Variants in UTRN observed in about 807,000 individuals in gnomAD.
UTRN encodes utrophin, also known as dystrophin-related protein 1.
Under a neutral mutation model 463.9 loss-of-function variants are expected in UTRN, and 283 were observed. The ratio of observed to expected loss-of-function variants is 0.61; its 90% CI spans 0.55 to 0.67. UTRN has a LOEUF of 0.67. Ranked by LOEUF, UTRN falls within the 30% of genes least tolerant of loss-of-function variation. UTRN has a pLI of 0.00. For missense variants in UTRN, 3,922 were observed against 4,084.3 expected (o/e 0.96, Z 1.08); for synonymous variants, 1,442 against 1,431.5 (o/e 1.01, Z -0.17).
chr6:144,777,123 G>A (rs1775392913), intron 60 of UTRN, among the ~76,000 whole-genome samples: 1 of 152,098 alleles, frequency 6.6e-6, no homozygotes, highest in African/African-American at 2.4e-5. Flanking sequence ...ACAATTTCTG[G>A]CACAGAGCAG....
At chr6:144,457,973 G>A (rs1351016704) in intron 19 of UTRN, among the ~76,000 whole-genome samples, 1 of 152,026 alleles carries the variant, frequency 6.6e-6, no homozygotes, top group Non-Finnish European at 1.5e-5. Flanking sequence ...TCATTTTAGA[G>A]GATTTGAAGG....
chr6:144,748,810 T>TA (rs1421159798), intron 55 of UTRN, among the ~76,000 whole-genome samples: 1 of 152,214 alleles, frequency 6.6e-6, no homozygotes, highest in Non-Finnish European at 1.5e-5. Flanking sequence ...TACCTATTTT[T>TA]AAAAAATATT....
chr6:144,499,463 C>A, intron 34 of UTRN, 36 bp downstream of exon 34: 1 of 1,548,338 alleles, frequency 6.5e-7, no homozygotes, highest in Non-Finnish European at 8.8e-7. Context: ...CAGCATGATG[C>A]CAGCGTAACA....
chr6:144,410,917 T>TG (rs1423154517), intron 3 of UTRN, among the ~76,000 whole-genome samples: 2 of 152,190 alleles, frequency 1.3e-5, no homozygotes, highest in Non-Finnish European at 2.9e-5. Context: ...GCTATAAACA[T>TG]GCATGTGCAA....
intron 3 of UTRN, among the ~76,000 whole-genome samples, chr6:144,414,391 G>T (rs953819820): frequency 3.3e-5 from 5 of 152,232 alleles, no homozygotes; most frequent in Middle Eastern, 6.8e-3. Flanking sequence ...TTTAAAAATT[G>T]AAAAAGCCTT....
In UTRN at chr6:144,432,690, T is replaced by A. The variant is rs553538703; in HGVS notation, c.855+2949T>A. 8.6e-5 allele frequency among the ~76,000 whole-genome samples: 13 copies of A among 151,892 alleles called. No individual in the cohort carries two copies. The South Asian group carries it at 1.5e-3, about 17-fold the overall frequency. On this transcript the variant is annotated intron_variant, in intron 9 of 74. Coordinates refer to ENST00000367545, the MANE Select transcript of UTRN (RefSeq NM_007124.3). ...ATTTGAGATAAGTCTTTTTTTTTTTTAATATATATTTTTTATTGATCATTC... is the reference window on the plus strand; with the variant it reads ...ATTTGAGATAAGTCTTTTTTTTTTTAAATATATATTTTTTATTGATCATTC...
Position 144,852,451 on chromosome 6 carries a change from T to C in UTRN, c.*1454T>C, listed in dbSNP as rs749043588. ...CTTTGGGTTCTCTTTAGCTGGGATC[T>C]GGCCAGAAGGAGGCTTAAAGTTAGA... is the stretch of plus-strand genomic sequence containing the variant. On this transcript the variant is annotated 3_prime_UTR_variant, in exon 75 of 75. Coordinates refer to ENST00000367545, the MANE Select transcript of UTRN (RefSeq NM_007124.3). 1 of 152,528 alleles carries C rather than the reference T, an allele frequency of 6.6e-6. No homozygotes were observed. Among genetic ancestry groups the C allele is most frequent in the African/African-American group, 2.4e-5 (1 of 41,440 alleles). The allele number at this position is 152,528 out of a possible 1,614,324, so 9.4% of individuals were successfully genotyped here. A position where few individuals can be genotyped will look rare whatever the true frequency, so the allele number is the denominator to read the frequency against.
intron 42 of UTRN, among the ~76,000 whole-genome samples, chr6:144,532,134 CAATA>C (rs34622000): frequency 2.8e-4 from 43 of 151,084 alleles, no homozygotes; most frequent in African/African-American, 8.0e-4. Context: ...AATACTGTGT[CAATA>C]AATAAATAAA....
intron 65 of UTRN, among the ~76,000 whole-genome samples, chr6:144,817,191 A>G (rs1459751119): frequency 6.6e-6 from 1 of 152,162 alleles, no homozygotes; most frequent in Non-Finnish European, 1.5e-5. Flanking sequence ...AGAGGCCATG[A>G]TGGTTAAATG....
At chr6:144,695,346 CTT>C (rs202017323) in intron 52 of UTRN, among the ~76,000 whole-genome samples, 10 of 142,698 alleles carry the variant, frequency 7.0e-5, no homozygotes, top group Middle Eastern at 3.3e-3. Flanking sequence ...CATGATTAAA[CTT>C]TTTTTTTTTT....
intron 2 of UTRN, among the ~76,000 whole-genome samples, chr6:144,306,103 G>A (rs1211913346): frequency 2.6e-5 from 4 of 152,130 alleles, no homozygotes; most frequent in African/African-American, 7.2e-5. Flanking sequence ...GTAATATCAG[G>A]TTACATACTT....
intron 52 of UTRN, among the ~76,000 whole-genome samples, chr6:144,681,922 T>C (rs1250361821): frequency 6.6e-6 from 1 of 152,176 alleles, no homozygotes; most frequent in Non-Finnish European, 1.5e-5. Flanking sequence ...ATGCAATGCA[T>C]AATAATCACA....
intron 23 of UTRN, among the ~76,000 whole-genome samples, chr6:144,465,052 C>T (rs1294109031): frequency 6.6e-6 from 1 of 152,224 alleles, no homozygotes; most frequent in Non-Finnish European, 1.5e-5. Context: ...TGCAGCTAAA[C>T]ATCCCACCAT....
intron 51 of UTRN, among the ~76,000 whole-genome samples, chr6:144,615,734 C>T (rs1806013666): frequency 2.0e-5 from 3 of 152,026 alleles, no homozygotes; most frequent in African/African-American, 7.2e-5. Flanking sequence ...ATGGAGTAGC[C>T]ATCTAAGTGT....
At chr6:144,545,064 C>T (rs549421101) in intron 46 of UTRN, among the ~76,000 whole-genome samples, 1 of 152,140 alleles carries the variant, frequency 6.6e-6, no homozygotes, top group Non-Finnish European at 1.5e-5. Flanking sequence ...AGATGATTCA[C>T]CCAGTCCTTA....
chr6:144,744,782 G>A (rs1202733174), intron 54 of UTRN, among the ~76,000 whole-genome samples: 3 of 152,096 alleles, frequency 2.0e-5, no homozygotes, highest in Non-Finnish European at 4.4e-5. Flanking sequence ...CTTTCCCAAT[G>A]CAAATTAGAT....
chr6:144,660,001 G>A (rs909046907), intron 51 of UTRN: 27 of 338,994 alleles, frequency 8.0e-5, no homozygotes, highest in Non-Finnish European at 1.2e-5. Context: ...TATTCCTTGC[G>A]AACTCCGAAG....
chr6:144,561,204 A>ATTTT (rs1158797972), intron 50 of UTRN, among the ~76,000 whole-genome samples: 1 of 88,662 alleles, frequency 1.1e-5, no homozygotes, highest in African/African-American at 4.3e-5. Flanking sequence ...CAAAAATAAC[A>ATTTT]TTATATATAT....
chr6:144,734,765 A>G (rs1434577698), intron 54 of UTRN, among the ~76,000 whole-genome samples: 1 of 152,122 alleles, frequency 6.6e-6, no homozygotes, highest in Non-Finnish European at 1.5e-5. Flanking sequence ...TTGCTCCCTT[A>G]TTAGAGATTT....
Sources: allele counts gnomAD v4.1 joint callset (sites outside exome capture counted in the v4.1 genomes callset), GRCh38; gene constraint gnomAD v4.1.1; transcripts MANE v1.5; gene names NCBI Gene and HGNC (gene_info 2026-07-23, HGNC 2026-07-21).